The following TMEM267 variants were observed in gnomAD, a reference collection of about 807,000 sequenced individuals.
The protein encoded by TMEM267 is transmembrane protein 267, also known as transmembrane protein C5orf28.
In TMEM267, 20 loss-of-function variants were observed where a neutral mutation model predicts 19.3. The observed-to-expected ratio is 1.04, with a 90% CI of 0.73 to 1.51. TMEM267 has a LOEUF of 1.51. Among genes scored for constraint, TMEM267 ranks in the 40% most tolerant of loss-of-function variants. The probability of loss-of-function intolerance (pLI) is 0.00; values close to 1 mark genes in which losing one functional copy is unlikely to be tolerated. For missense variants in TMEM267, 242 were observed against 261.9 expected (o/e 0.92, Z 0.52); for synonymous variants, 88 against 90.3 (o/e 0.97, Z 0.15).
In TMEM267 at chr5:43,453,865, T is replaced by C. The variant is rs1285159283; in HGVS notation, c.105A>G (p.Arg35=). 6.2e-7 allele frequency: 1 copy of C among 1,614,054 alleles called. No homozygotes were observed. The highest frequency in any genetic ancestry group is 8.5e-7 in the Non-Finnish European group (1 of 1,179,990). Residue 35 remains arginine, a synonymous_variant, in exon 2 of 3, where the codon AGA becomes AGG. Coordinates refer to ENST00000397080, the MANE Select transcript of TMEM267 (RefSeq NM_022483.5). The stretch of plus-strand genomic sequence containing the variant: ...GCTGAATTGTGGAAAACTGAAGAAG[T>C]CTGTCAGCTACGAGGCAAAATGCCC... ...GLGAFCLVAD[R]LLQFSTIQQN... is the part of the protein sequence containing the mutation.
rs754947998 is a variant in TMEM267, at chr5:43,446,236, G to A, written c.634C>T (p.Arg212Cys). ...RQMMSSKHGVRIDV is the reference protein window; with the variant it reads ...RQMMSSKHGVCIDV ...TGCCGTGTACCTCAGACATCAATAC[G>A]AACTCCATGTTTTGAAGACATCATT... Residue 212 changes from arginine (R) to cysteine (C), a missense_variant, in exon 3 of 3, where the codon CGT (arginine) becomes TGT (cysteine). Arg to Cys is a radical substitution (Grantham distance 180). Coordinates refer to ENST00000397080, the MANE Select transcript of TMEM267 (RefSeq NM_022483.5). The A allele has an allele frequency of 1.2e-5, 19 of 1,608,804 alleles. No homozygotes were observed. Among genetic ancestry groups the A allele is most frequent in the South Asian group, 7.7e-5 (7 of 90,742 alleles).
chr5:43,461,652 T>C (rs1224584717), intron 1 of TMEM267, among the ~76,000 whole-genome samples: 2 of 152,136 alleles, frequency 1.3e-5, no homozygotes, highest in African/African-American at 4.8e-5. Flanking sequence ...GTTCTGGCAG[T>C]ACTCTTTGTG....
chr5:43,467,974 G>A (rs1743843151), intron 1 of TMEM267, among the ~76,000 whole-genome samples: 1 of 152,074 alleles, frequency 6.6e-6, no homozygotes, highest in Non-Finnish European at 1.5e-5. Context: ...TTGATTTGTT[G>A]TACCTGAGCG....
At chr5:43,451,891 A>C (rs1708898077) in intron 2 of TMEM267, among the ~76,000 whole-genome samples, 1 of 152,012 alleles carries the variant, frequency 6.6e-6, no homozygotes, top group African/African-American at 2.4e-5. Context: ...ACTGGGCAAC[A>C]TAGGGAGACC....
At chr5:43,476,508 CTTTTTTTTTTTT>C (rs67848213) in intron 1 of TMEM267, among the ~76,000 whole-genome samples, 14 of 54,794 alleles carry the variant, frequency 2.6e-4, no homozygotes, top group African/African-American at 4.7e-4. Context: ...AAAGCCAGAC[CTTTTTTTTTTTT>C]TTTTTTTTTT....
At chr5:43,468,580 C>A (rs1442931337) in intron 1 of TMEM267, among the ~76,000 whole-genome samples, 2 of 152,166 alleles carry the variant, frequency 1.3e-5, no homozygotes, top group Non-Finnish European at 2.9e-5. Context: ...CAAGCTGTGC[C>A]CTGACCACCT....
intron 1 of TMEM267, among the ~76,000 whole-genome samples, chr5:43,482,469 T>C (rs1402997447): frequency 6.6e-6 from 1 of 152,350 alleles, no homozygotes; most frequent in South Asian, 2.1e-4. Flanking sequence ...TAAAACGGAC[T>C]CCCGAACCTC....
intron 1 of TMEM267, among the ~76,000 whole-genome samples, chr5:43,463,242 G>A (rs1176542388): frequency 2.6e-5 from 4 of 152,280 alleles, no homozygotes; most frequent in Non-Finnish European, 4.4e-5. Context: ...AAACCAAGAA[G>A]AAGTTGAATC....
intron 1 of TMEM267, among the ~76,000 whole-genome samples, chr5:43,463,239 G>C (rs901372875): frequency 1.3e-5 from 2 of 151,852 alleles, no homozygotes; most frequent in Non-Finnish European, 2.9e-5. Flanking sequence ...ACTAAACCAA[G>C]AAGAAGTTGA....
chr5:43,479,904 C>A (rs1172230980), intron 1 of TMEM267: 2 of 442,464 alleles, frequency 4.5e-6, no homozygotes, highest in African/African-American at 4.1e-5. Flanking sequence ...ATTACAAAGT[C>A]ATGAATCCTT....
chr5:43,460,348 A>G (rs1579801549), intron 1 of TMEM267, among the ~76,000 whole-genome samples: 1 of 152,246 alleles, frequency 6.6e-6, no homozygotes, highest in South Asian at 2.1e-4. Flanking sequence ...ATGTTCACGG[A>G]ACCCCCATAA....
At chr5:43,451,883 T>C (rs1463461037) in intron 2 of TMEM267, among the ~76,000 whole-genome samples, 10 of 151,972 alleles carry the variant, frequency 6.6e-5, no homozygotes, top group African/African-American at 2.4e-4. Flanking sequence ...GAGACCAGAC[T>C]GGGCAACATA....
chr5:43,457,596 A>G (rs1743026633), intron 1 of TMEM267, among the ~76,000 whole-genome samples: 1 of 152,164 alleles, frequency 6.6e-6, no homozygotes, highest in African/African-American at 2.4e-5. Flanking sequence ...TATCATGAGA[A>G]CACCTAGGGG....
chr5:43,473,032 G>A (rs1744180601), intron 1 of TMEM267, among the ~76,000 whole-genome samples: 1 of 151,112 alleles, frequency 6.6e-6, no homozygotes, highest in Non-Finnish European at 1.5e-5. Flanking sequence ...CAGCTACTCA[G>A]GAGGCTGAGG....
intron 1 of TMEM267, among the ~76,000 whole-genome samples, chr5:43,473,021 C>T (rs1259734970): frequency 6.6e-6 from 1 of 151,156 alleles, no homozygotes; most frequent in Admixed American, 6.6e-5. Flanking sequence ...ACCTGTAATC[C>T]CAGCTACTCA....
At chr5:43,471,793 C>G (rs912103751) in intron 1 of TMEM267, among the ~76,000 whole-genome samples, 1 of 152,094 alleles carries the variant, frequency 6.6e-6, no homozygotes, top group Non-Finnish European at 1.5e-5. Context: ...AAAATCAAAT[C>G]AAAATGGATT....
intron 1 of TMEM267, among the ~76,000 whole-genome samples, chr5:43,460,549 T>TA (rs111632630): frequency 2.7e-4 from 40 of 145,760 alleles, no homozygotes; most frequent in Middle Eastern, 3.4e-3. Flanking sequence ...CAGAAGGGAT[T>TA]AAAAAAAAAA....
chr5:43,452,077 CAA>C (rs375224453), intron 2 of TMEM267, among the ~76,000 whole-genome samples: 18 of 86,528 alleles, frequency 2.1e-4, no homozygotes, highest in Admixed American at 7.5e-4. Flanking sequence ...GACCCTATCT[CAA>C]AAAAAAAAAA....
intron 1 of TMEM267, among the ~76,000 whole-genome samples, chr5:43,463,481 A>G (rs1407152330): frequency 1.3e-5 from 2 of 152,160 alleles, no homozygotes; most frequent in Non-Finnish European, 2.9e-5. Context: ...GCAGAGACAC[A>G]ACCAAAAAAG....
Sources: allele counts gnomAD v4.1 joint callset (sites outside exome capture counted in the v4.1 genomes callset), GRCh38; gene constraint gnomAD v4.1.1; transcripts MANE v1.5; gene names NCBI Gene and HGNC (gene_info 2026-07-23, HGNC 2026-07-21).